MARCHF1: variants seen among roughly 807,000 people sequenced by gnomAD.
The protein encoded by MARCHF1 is membrane associated ring-CH-type finger 1, also known as E3 ubiquitin-protein ligase MARCHF1.
A neutral mutation model predicts 54.2 loss-of-function variants in MARCHF1; 40 were observed. That is an observed-to-expected ratio of 0.74 (90% CI 0.57 to 0.96). The LOEUF is 0.96. Ranked by LOEUF, MARCHF1 falls within the 40% of genes least tolerant of loss-of-function variation. The pLI is 0.00. For synonymous variants in MARCHF1, 236 were observed against 236.3 expected (o/e 1.00, Z 0.01); for missense variants, 586 against 656.5 (o/e 0.89, Z 1.17).
chr4:164,020,126 A>G (rs1753629678), intron 2 of MARCHF1, among the ~76,000 whole-genome samples: 1 of 152,206 alleles, frequency 6.6e-6, no homozygotes. Context: ...ATTTAACTTC[A>G]CCATCTTTTA....
intron 2 of MARCHF1, among the ~76,000 whole-genome samples, chr4:164,016,966 A>G (rs1186346376): frequency 6.6e-6 from 1 of 152,080 alleles, no homozygotes; most frequent in Non-Finnish European, 1.5e-5. Flanking sequence ...AAAACTAAAA[A>G]TTGGAAAAAA....
At chr4:163,611,586 A>C (rs1741342425) in intron 7 of MARCHF1, among the ~76,000 whole-genome samples, 3 of 152,114 alleles carry the variant, frequency 2.0e-5, no homozygotes, top group Admixed American at 2.0e-4. Flanking sequence ...ATATTCCTAT[A>C]ATTCTTTTTA....
chr4:163,589,324 C>T (rs557342466), intron 7 of MARCHF1, among the ~76,000 whole-genome samples: 7 of 152,204 alleles, frequency 4.6e-5, no homozygotes, highest in African/African-American at 7.2e-5. Flanking sequence ...TCTGCTAAAA[C>T]TACTACCTGA....
At chr4:164,022,735 A>G (rs147491575) in intron 2 of MARCHF1, among the ~76,000 whole-genome samples, 1 of 152,214 alleles carries the variant, frequency 6.6e-6, no homozygotes, top group African/African-American at 2.4e-5. Flanking sequence ...TCTCCGTCCA[A>G]GTATCTCTAG....
chr4:163,788,897 A>G (rs998090242), intron 4 of MARCHF1, among the ~76,000 whole-genome samples: 14 of 152,084 alleles, frequency 9.2e-5, no homozygotes, highest in African/African-American at 2.7e-4. Flanking sequence ...GAAGCATCAC[A>G]TGATTAATAA....
intron 5 of MARCHF1, among the ~76,000 whole-genome samples, chr4:163,678,391 CT>C (rs1743987611): frequency 6.6e-6 from 1 of 152,160 alleles, no homozygotes; most frequent in African/African-American, 2.4e-5. Context: ...TAGAGGAGCA[CT>C]TTAAAACAGG....
rs184198937 is a variant in MARCHF1, at chr4:164,206,904, T to A, written c.-322-95242A>T. Among the ~76,000 whole-genome samples the A allele has an allele frequency of 7.9e-5, 12 of 152,154 alleles. No homozygotes were observed. The East Asian group carries it at 2.3e-3, about 29-fold the overall frequency. On this transcript the variant is annotated intron_variant, in intron 1 of 9. Transcript: ENST00000514618. The stretch of plus-strand genomic sequence containing the variant: ...GTAAACAGTAGAGAAAAACCAAGTT[T>A]TAAATTATAATTAACAAGTATGATA...
At chr4:163,562,311 C>T (rs1035402779) in intron 8 of MARCHF1, among the ~76,000 whole-genome samples, 1 of 150,758 alleles carries the variant, frequency 6.6e-6, no homozygotes, top group African/African-American at 2.5e-5. Context: ...CAAAACAAAA[C>T]AAAACAAAAC....
At chr4:164,065,319 A>G (rs59245624) in intron 2 of MARCHF1, among the ~76,000 whole-genome samples, 4,216 of 152,214 alleles carry the variant, frequency 0.028, 176 homozygotes, top group African/African-American at 0.096. Flanking sequence ...TAAATGTAAA[A>G]CCCAAAACTA....
At chr4:164,157,955 G>A (rs1730121256) in intron 1 of MARCHF1, among the ~76,000 whole-genome samples, 1 of 152,178 alleles carries the variant, frequency 6.6e-6, no homozygotes, top group South Asian at 2.1e-4. Context: ...TTCCAGCGAT[G>A]GTTTTCCAAT....
intron 5 of MARCHF1, among the ~76,000 whole-genome samples, chr4:163,618,284 G>T (rs1741577584): frequency 6.6e-6 from 1 of 152,096 alleles, no homozygotes; most frequent in African/African-American, 2.4e-5. Flanking sequence ...CTCTGCCCCA[G>T]GTCTTTCATT....
chr4:163,738,246 G>A (rs548223543), intron 4 of MARCHF1, among the ~76,000 whole-genome samples: 2 of 152,272 alleles, frequency 1.3e-5, no homozygotes, highest in South Asian at 2.1e-4. Context: ...CATGCACTTG[G>A]AGTAAACATC....
chr4:164,208,684 G>C (rs560815430), intron 1 of MARCHF1, among the ~76,000 whole-genome samples: 1 of 152,176 alleles, frequency 6.6e-6, no homozygotes. Context: ...TGAGAGTTCT[G>C]GGTATTGAAA....
At chr4:163,682,857 C>G (rs955880028) in intron 5 of MARCHF1, among the ~76,000 whole-genome samples, 1 of 152,124 alleles carries the variant, frequency 6.6e-6, no homozygotes, top group African/African-American at 2.4e-5. Flanking sequence ...AACTGTGAGC[C>G]AATTAAACCT....
At chr4:163,857,800 C>T (rs1270012176) in intron 3 of MARCHF1, among the ~76,000 whole-genome samples, 2 of 152,112 alleles carry the variant, frequency 1.3e-5, no homozygotes, top group African/African-American at 4.8e-5. Context: ...TTGTTCCAGA[C>T]ACCGTGCTTG....
chr4:163,808,153 A>C (rs1748276969), intron 4 of MARCHF1, among the ~76,000 whole-genome samples: 1 of 152,226 alleles, frequency 6.6e-6, no homozygotes, highest in South Asian at 2.1e-4. Flanking sequence ...CAACTAGGCA[A>C]TGTAACTGCA....
At chr4:164,250,113 A>T (rs1733080239) in intron 1 of MARCHF1, among the ~76,000 whole-genome samples, 5 of 152,124 alleles carry the variant, frequency 3.3e-5, no homozygotes, top group African/African-American at 1.2e-4. Context: ...TTAGAGGAAG[A>T]GGTGGAAAAC....
intron 2 of MARCHF1, among the ~76,000 whole-genome samples, chr4:164,057,775 C>T (rs117844675): frequency 6.6e-6 from 1 of 152,250 alleles, no homozygotes; most frequent in East Asian, 1.9e-4. Context: ...AAAATATAAA[C>T]TATCTTAATA....
intron 4 of MARCHF1, among the ~76,000 whole-genome samples, chr4:163,736,155 A>G (rs1386150206): frequency 6.6e-6 from 1 of 152,146 alleles, no homozygotes; most frequent in African/African-American, 2.4e-5. Context: ...AACTTTCATC[A>G]TTTTACTTTA....
Sources: allele counts gnomAD v4.1 joint callset (sites outside exome capture counted in the v4.1 genomes callset), GRCh38; gene constraint gnomAD v4.1.1; transcripts MANE v1.5; gene names NCBI Gene and HGNC (gene_info 2026-07-23, HGNC 2026-07-21).